Variants in SPON1 observed in about 807,000 individuals in gnomAD.
The protein encoded by SPON1 is spondin-1.
SPON1 carries 52 observed loss-of-function variants against 111.7 expected under a neutral mutation model. The observed-to-expected ratio is 0.47, with a 90% CI of 0.37 to 0.59. The LOEUF (loss-of-function observed/expected upper bound fraction) is 0.59, where lower values mean the gene tolerates loss of function less well. SPON1 is among the 20% of genes least tolerant of loss of function. The pLI, the probability that SPON1 is intolerant of heterozygous loss-of-function variation, is 0.00. For synonymous variants in SPON1, 410 were observed against 395.8 expected (o/e 1.04, Z -0.43); for missense variants, 957 against 1,068.5 (o/e 0.90, Z 1.46).
intron 6 of SPON1, among the ~76,000 whole-genome samples, chr11:14,141,029 C>CGCCCCA (rs71041572): frequency 3.0e-5 from 4 of 132,274 alleles, no homozygotes; most frequent in East Asian, 2.5e-4. Context: ...GTGCCCCCCC[C>CGCCCCA]ATGCCCCACT....
chr11:14,031,234 G>A (rs1881518), intron 2 of SPON1, among the ~76,000 whole-genome samples: 45,467 of 152,070 alleles, frequency 0.3, 7,871 homozygotes, highest in South Asian at 0.5. Context: ...AGGTCTGAAA[G>A]ACTACCTTTT....
chr11:14,122,469 G>A (rs1591381358), intron 5 of SPON1, among the ~76,000 whole-genome samples: 2 of 152,162 alleles, frequency 1.3e-5, no homozygotes, highest in Admixed American at 1.3e-4. Context: ...CACTGTGCCC[G>A]GCCTGTCTCT....
In SPON1 at chr11:13,983,627, C is replaced by T. The variant is rs1464932594; in HGVS notation, c.345+674C>T. ...CATATTTCACTGTGGAATATTCTTC[C>T]AAGGGAAGTGGTAGGAACGTCATCC... On this transcript the variant is annotated intron_variant, in intron 2 of 15. Transcript: ENST00000576479. Among the ~76,000 whole-genome samples, 4 of 152,116 alleles carry T rather than the reference C, an allele frequency of 2.6e-5. No homozygotes were observed. The East Asian group carries it at 7.7e-4, about 29-fold the overall frequency.
intron 5 of SPON1, among the ~76,000 whole-genome samples, chr11:14,129,987 C>T (rs1847509000): frequency 6.6e-6 from 1 of 150,946 alleles, no homozygotes; most frequent in African/African-American, 2.5e-5. Flanking sequence ...TCATGACCTC[C>T]CACCAAATCT....
chr11:14,125,561 G>A (rs895007753), intron 5 of SPON1, among the ~76,000 whole-genome samples: 1 of 152,188 alleles, frequency 6.6e-6, no homozygotes, highest in Non-Finnish European at 1.5e-5. Flanking sequence ...ACAACAGAAG[G>A]TTGCAGCAAT....
chr11:14,127,315 A>C (rs1182273738), intron 5 of SPON1, among the ~76,000 whole-genome samples: 3 of 151,356 alleles, frequency 2.0e-5, no homozygotes, highest in Non-Finnish European at 4.4e-5. Context: ...AAAAAAAAAA[A>C]AACCCAGTTT....
At chr11:14,207,628 T>A (rs1352255508) in intron 6 of SPON1, among the ~76,000 whole-genome samples, 2 of 152,108 alleles carry the variant, frequency 1.3e-5, no homozygotes, top group African/African-American at 4.8e-5. Context: ...ACCTCACTGA[T>A]CATTAGAGAA....
chr11:13,998,029 C>G (rs1848286959), intron 2 of SPON1, among the ~76,000 whole-genome samples: 2 of 152,106 alleles, frequency 1.3e-5, no homozygotes, highest in Admixed American at 1.3e-4. Flanking sequence ...TTCACAACAA[C>G]ACACACAGTG....
chr11:14,227,118 T>C (rs1317753192), intron 6 of SPON1, among the ~76,000 whole-genome samples: 2 of 152,202 alleles, frequency 1.3e-5, no homozygotes, highest in African/African-American at 4.8e-5. Flanking sequence ...TGTAGATATT[T>C]TGGGGGGCCG....
At chr11:14,041,095 C>T (rs782571626) in intron 2 of SPON1, among the ~76,000 whole-genome samples, 1 of 152,190 alleles carries the variant, frequency 6.6e-6, no homozygotes, top group African/African-American at 2.4e-5. Flanking sequence ...CTTTGCTATA[C>T]TTCCTCCAAA....
intron 6 of SPON1, among the ~76,000 whole-genome samples, chr11:14,161,155 T>TTTTATATATATCTATATATCTATATA (rs1847949790): frequency 3.7e-4 from 2 of 5,456 alleles, no homozygotes; most frequent in South Asian, 3.3e-3. Flanking sequence ...TATCTATATA[T>TTTTATATATATCTATATATCTATATA]TTTATATATA....
chr11:14,087,716 T>A (rs1389360134), intron 5 of SPON1, among the ~76,000 whole-genome samples: 1 of 152,218 alleles, frequency 6.6e-6, no homozygotes, highest in African/African-American at 2.4e-5. Flanking sequence ...TTCTGTCCCA[T>A]TGATCTAAAA....
chr11:14,200,833 A>G (rs1302856277), intron 6 of SPON1, among the ~76,000 whole-genome samples: 4 of 149,852 alleles, frequency 2.7e-5, no homozygotes, highest in Admixed American at 2.7e-4. Flanking sequence ...AAAAAAAAAA[A>G]AAAAAAAAAA....
At chr11:14,131,054 T>C (rs1258308652) in intron 5 of SPON1, among the ~76,000 whole-genome samples, 1 of 152,204 alleles carries the variant, frequency 6.6e-6, no homozygotes, top group African/African-American at 2.4e-5. Context: ...GAGGAACTTT[T>C]GATCATGTTT....
intron 6 of SPON1, among the ~76,000 whole-genome samples, chr11:14,142,147 G>A (rs1041534828): frequency 2.0e-5 from 3 of 152,198 alleles, no homozygotes; most frequent in Admixed American, 2.0e-4. Flanking sequence ...AGGACTAAGT[G>A]AGCTGATAAG....
At chr11:14,188,325 A>T (rs1251377327) in intron 6 of SPON1, among the ~76,000 whole-genome samples, 3 of 152,304 alleles carry the variant, frequency 2.0e-5, no homozygotes, top group Middle Eastern at 3.4e-3. Flanking sequence ...TATTTTCAGA[A>T]GATAAGTCCT....
intron 2 of SPON1, among the ~76,000 whole-genome samples, chr11:14,016,221 G>T (rs1288164189): frequency 1.3e-5 from 2 of 152,204 alleles, no homozygotes; most frequent in African/African-American, 4.8e-5. Flanking sequence ...ATTTGTGGGA[G>T]CATGTACTAA....
rs868933512 is a variant in SPON1 at position 14,263,576 on chromosome 11, A to G, written c.2260+601A>G. 5.9e-5 allele frequency among the ~76,000 whole-genome samples: 9 copies of G among 152,314 alleles called. No homozygotes were observed. In the South Asian group the frequency reaches 1.7e-3, roughly 28 times the overall value. On this transcript the variant is annotated intron_variant, in intron 15 of 15. Transcript: ENST00000576479. ...CTTGAGTTTTATTTCCCCAAATAAT[A>G]TTGATCCAAGCTGACAAATAACTAA...
At chr11:14,221,081 T>C (rs1848675183) in intron 6 of SPON1, among the ~76,000 whole-genome samples, 3 of 152,216 alleles carry the variant, frequency 2.0e-5, no homozygotes. Context: ...ACATTTCTAC[T>C]CATTAATTTA....
Sources: allele counts gnomAD v4.1 joint callset (sites outside exome capture counted in the v4.1 genomes callset), GRCh38; gene constraint gnomAD v4.1.1; transcripts MANE v1.5; gene names NCBI Gene and HGNC (gene_info 2026-07-23, HGNC 2026-07-21).